Variants in HERC2 observed in about 807,000 individuals in gnomAD.
The protein encoded by HERC2 is E3 ubiquitin-protein ligase HERC2.
Under a neutral mutation model 537.7 loss-of-function variants are expected in HERC2, and 102 were observed. The observed-to-expected ratio is 0.19, with a 90% CI of 0.16 to 0.22. HERC2 has a LOEUF of 0.22. Ranked by LOEUF, HERC2 falls within the 10% of genes least tolerant of loss-of-function variation. The pLI is 1.00. For synonymous variants in HERC2, 2,224 were observed against 2,466.2 expected, an observed-to-expected ratio of 0.90 and a Z score of 2.91; for missense variants, 4,236 against 6,198.2, an observed-to-expected ratio of 0.68 and a Z score of 10.63.
intron 21 of HERC2, 131 bp downstream of exon 21, chr15:28,248,421 G>T: frequency 1.7e-6 from 1 of 602,824 alleles, no homozygotes; most frequent in East Asian, 2.8e-5. Flanking sequence ...GATGCAAAAT[G>T]AAGCCCCAAA....
chr15:28,116,574 T>C (rs1888277923), intron 88 of HERC2, 91 bp downstream of exon 88: 3 of 1,260,112 alleles, frequency 2.4e-6, no homozygotes, highest in East Asian at 2.3e-5. Flanking sequence ...ATTCAAGATA[T>C]CTACTGTCAC....
intron 23 of HERC2, among the ~76,000 whole-genome samples, chr15:28,240,399 A>C (rs1180194554): frequency 1.3e-5 from 2 of 152,244 alleles, no homozygotes; most frequent in African/African-American, 2.4e-5. Flanking sequence ...GCCTGGGCGA[A>C]AGAGCGAGAC....
intron 56 of HERC2, 115 bp from the exon 57 acceptor site, chr15:28,182,627 A>G (rs1566979932): frequency 1.3e-6 from 1 of 793,888 alleles, no homozygotes; most frequent in African/African-American, 1.7e-5. Flanking sequence ...TTACTTTCAG[A>G]AACTCTTAAA....
rs1392570333 is a variant in HERC2 at position 28,177,028 on chromosome 15, T to C, written c.9354A>G (p.Gly3118=). 7.0e-5 allele frequency: 113 copies of C among 1,614,070 alleles called. No individual in the cohort carries two copies. The highest frequency in any genetic ancestry group is 9.3e-5 in the Non-Finnish European group (110 of 1,180,034). The stretch of plus-strand genomic sequence containing the variant: ...CGCCGAGGCCCCAGGTGTACAGTTC[T>C]CCGCTGGATGTGAGGGCTGCGCTGT... The part of the protein sequence containing the change: ...SSHSAALTSS[G]ELYTWGLGEY... Residue 3118 remains glycine (G), a synonymous_variant, in exon 61 of 93, where the codon GGA becomes GGG. Transcript: ENST00000261609. This position sits in a 1 kb window ranked among gnomAD's most constrained non-coding sequence, Gnocchi z 5.0.
At chr15:28,155,593 G>A (rs536338946) in intron 69 of HERC2, among the ~76,000 whole-genome samples, 42 of 142,912 alleles carry the variant, frequency 2.9e-4, no homozygotes, top group South Asian at 8.3e-4. Flanking sequence ...CATATCCTTC[G>A]CCCACTTGTT....
chr15:28,113,732 C>A lies in HERC2; in HGVS notation c.13914-54G>T. 1 of 1,426,476 alleles carries A rather than the reference C, an allele frequency of 7.0e-7. No homozygotes were observed. The highest frequency in any genetic ancestry group is 9.8e-7 in the Non-Finnish European group (1 of 1,016,576). 88.4% of individuals were successfully genotyped at this position (1,426,476 alleles called of 1,614,324 possible). On this transcript the variant is annotated intron_variant, in intron 90 of 92. Coordinates refer to ENST00000261609, the MANE Select transcript of HERC2 (RefSeq NM_004667.6). The surrounding 1 kb of genome is among the most constrained non-coding windows in gnomAD (Gnocchi z 7.0). ...TGTCTTCAGTGACACTGACTTTATG[C>A]TGCTCACACCAAGCCTTGGCATGCA...
chr15:28,227,105 T>G (rs1901267774), intron 35 of HERC2, among the ~76,000 whole-genome samples: 1 of 152,054 alleles, frequency 6.6e-6, no homozygotes, highest in African/African-American at 2.4e-5. Context: ...CTAAACCCCA[T>G]CTCTACTAAA....
In HERC2 at chr15:28,220,498, A is replaced by G. The variant is rs142034055; in HGVS notation, c.5799T>C (p.Ala1933=). 3.1e-6 allele frequency: 5 copies of G among 1,604,580 alleles called. No individual in the cohort carries two copies. Among genetic ancestry groups the G allele is most frequent in the Admixed American group, 3.3e-5 (2 of 60,004 alleles). ...KYDLKLAELP[A]AAQPSAEDSD... The stretch of plus-strand genomic sequence containing the variant: ...AATCCTCTGCTGAGGGCTGTGCAGC[A>G]GCCGGCAGCTCTGCCAGCTTGAGGT... Residue 1933 remains alanine (A), a synonymous_variant, in exon 37 of 93, where the codon GCT becomes GCC. Coordinates refer to ENST00000261609, the MANE Select transcript of HERC2 (RefSeq NM_004667.6).
At position 28,257,218 on chromosome 15, in the gene HERC2, C is replaced by T. The variant is rs760094924; in HGVS notation, c.2360G>A (p.Arg787His). Residue 787 changes from arginine to histidine, a missense_variant, in exon 17 of 93, where the codon CGT becomes CAT. Physicochemically the swap from Arg to His is conservative, Grantham distance 29. Transcript: ENST00000261609. ...GCAGATGTCCACCACAAAAGGGACA[C>T]GGAGGCCAATGGACCACTCAGAACA... ...SSCSEWSIGLRVPFVVDICSM... is the reference protein window; with the variant it reads ...SSCSEWSIGLHVPFVVDICSM... 16 of 1,613,798 alleles carry T rather than the reference C, an allele frequency of 9.9e-6. No individual in the cohort carries two copies. Among genetic ancestry groups the T allele is most frequent in the East Asian group, 2.2e-5 (1 of 44,882 alleles).
At chr15:28,298,265 T>C (rs930929624) in intron 3 of HERC2, among the ~76,000 whole-genome samples, 1 of 146,526 alleles carries the variant, frequency 6.8e-6, no homozygotes, top group Non-Finnish European at 1.5e-5. Flanking sequence ...GCAATTCTCC[T>C]GCCGTGCCCT....
At chr15:28,309,502 T>C (rs2076881846) in intron 2 of HERC2, among the ~76,000 whole-genome samples, 1 of 152,216 alleles carries the variant, frequency 6.6e-6, no homozygotes, top group African/African-American at 2.4e-5. Context: ...GATTTCCATT[T>C]ACCTCTCCCT....
At chr15:28,117,648 A>T (rs969668706) in intron 86 of HERC2, 1 of 420,026 alleles carries the variant, frequency 2.4e-6, no homozygotes, top group Non-Finnish European at 4.8e-6. Flanking sequence ...AAGCAGACAC[A>T]GTGAGTGAGT....
chr15:28,303,461 T>C (rs1209187639), intron 2 of HERC2, among the ~76,000 whole-genome samples: 1 of 152,226 alleles, frequency 6.6e-6, no homozygotes, highest in Non-Finnish European at 1.5e-5. Flanking sequence ...GTGACTGTAG[T>C]ATAATTTTAA....
At chr15:28,140,512 T>C (rs1433687266) in intron 78 of HERC2, among the ~76,000 whole-genome samples, 4 of 152,190 alleles carry the variant, frequency 2.6e-5, no homozygotes, top group African/African-American at 4.8e-5. Context: ...TATTTCTATA[T>C]ATCAGTGGCA....
At chr15:28,145,838 G>A (rs1891675552) in intron 71 of HERC2, among the ~76,000 whole-genome samples, 2 of 152,182 alleles carry the variant, frequency 1.3e-5, no homozygotes, top group Non-Finnish European at 2.9e-5. Flanking sequence ...CCGGACATGT[G>A]GCTGCCTCCA....
chr15:28,206,989 G>A lies in HERC2; in HGVS notation c.7070-607C>T, dbSNP rs1191061952. The stretch of plus-strand genomic sequence containing the variant: ...TCACACCACCATACTCCAGCCTGGT[G>A]ACAGAGCGAGACTCCATCTCAAAAC... On this transcript the variant is annotated intron_variant, in intron 44 of 92. Coordinates refer to ENST00000261609, the MANE Select transcript of HERC2 (RefSeq NM_004667.6). 9.3e-5 allele frequency among the ~76,000 whole-genome samples: 14 copies of A among 150,620 alleles called. No individual in the cohort carries two copies. In the East Asian group the frequency reaches 9.9e-4, roughly 11 times the overall value.
intron 79 of HERC2, among the ~76,000 whole-genome samples, chr15:28,133,073 G>A (rs957734748): frequency 1.3e-5 from 2 of 151,464 alleles, no homozygotes; most frequent in African/African-American, 4.9e-5. Context: ...ACTGGGTCAA[G>A]TTCGAAGCAC....
rs772240694 is a variant in HERC2 at position 28,175,610 on chromosome 15, C to T, written c.9733G>A (p.Val3245Met). Residue 3245 changes from valine (V) to methionine (M), a missense_variant, in exon 64 of 93, where the codon GTG becomes ATG. This residue lies in a region of HERC2 where 93 missense variants were observed against 265.1 expected (regional missense o/e 0.35). Transcript: ENST00000261609. ...CCTTCCACCACCTGTGGTTTCCGCA[C>T]GTGCACGTCAGAGCCGTGGCCCAAT... ...FRLGHGSDVH[V>M]RKPQVVEGLR... The T allele has an allele frequency of 2.8e-5, 46 of 1,614,042 alleles. No homozygotes were observed. Among genetic ancestry groups the T allele is most frequent in the Non-Finnish European group, 3.4e-5 (40 of 1,180,034 alleles).
chr15:28,257,950 C>T (rs949297221), intron 16 of HERC2, among the ~76,000 whole-genome samples: 8 of 151,874 alleles, frequency 5.3e-5, no homozygotes, highest in African/African-American at 1.9e-4. Context: ...TCCCAAAGTG[C>T]TGGAATTACA....
Sources: allele counts gnomAD v4.1 joint callset (sites outside exome capture counted in the v4.1 genomes callset), GRCh38; gene constraint gnomAD v4.1.1; regional missense constraint gnomAD v4.1.1; non-coding constraint Gnocchi (gnomAD v3.1); transcripts MANE v1.5; gene names NCBI Gene and HGNC (gene_info 2026-07-23, HGNC 2026-07-21).